Variants in NBAS observed in about 807,000 individuals in gnomAD.
The protein encoded by NBAS is NBAS subunit of NRZ tethering complex, also known as NAG/BC035112 fusion.
NBAS carries 219 observed loss-of-function variants against 302.5 expected under a neutral mutation model. The observed-to-expected ratio is 0.72, with a 90% CI of 0.65 to 0.81. The LOEUF is 0.81. NBAS is among the 30% of genes least tolerant of loss of function. The pLI, the probability that NBAS is intolerant of heterozygous loss-of-function variation, is 0.00. For synonymous variants in NBAS, 1,118 were observed against 1,021.6 expected, an observed-to-expected ratio of 1.09 and a Z score of -1.80; for missense variants, 2,932 against 2,841.6, an observed-to-expected ratio of 1.03 and a Z score of -0.72.
At chr2:15,145,949 C>A in the NBAS span, among the ~76,000 whole-genome samples, 1 of 152,086 alleles carries the variant, frequency 6.6e-6, no homozygotes, top group Non-Finnish European at 1.5e-5. Flanking sequence ...AGAAAACACT[C>A]TTTCATTCAT....
the NBAS span, among the ~76,000 whole-genome samples, chr2:14,980,002 AG>A: frequency 1.8e-4 from 28 of 152,242 alleles, no homozygotes; most frequent in African/African-American, 6.5e-4. Context: ...AAACTTCACA[AG>A]GTCAAACTGA....
At chr2:14,845,193 C>T in the NBAS span, among the ~76,000 whole-genome samples, 76 of 152,264 alleles carry the variant, frequency 5.0e-4, no homozygotes, top group East Asian at 5.2e-3. Flanking sequence ...CAGTTCCAGG[C>T]GGCTCAGAAC....
At chr2:15,036,924 G>A in the NBAS span, among the ~76,000 whole-genome samples, 1 of 152,144 alleles carries the variant, frequency 6.6e-6, no homozygotes, top group East Asian at 1.9e-4. Context: ...GGGATACCCT[G>A]CAGGTTAGGC....
intron 21 of NBAS, among the ~76,000 whole-genome samples, chr2:15,460,176 T>C (rs1050345767): frequency 6.6e-6 from 1 of 152,162 alleles, no homozygotes; most frequent in African/African-American, 2.4e-5. Flanking sequence ...TAGCTGAAAT[T>C]AGTAAAAATG....
the NBAS span, among the ~76,000 whole-genome samples, chr2:15,039,583 A>T: frequency 6.6e-6 from 1 of 152,172 alleles, no homozygotes; most frequent in Non-Finnish European, 1.5e-5. Context: ...GCTTTTAGAT[A>T]AGCATTTTGG....
intron 36 of NBAS, 62 bp from the exon 37 acceptor site, chr2:15,328,374 A>G (rs867411281): frequency 7.4e-7 from 1 of 1,355,122 alleles, no homozygotes; most frequent in African/African-American, 1.4e-5. Flanking sequence ...GAGGTAGAAG[A>G]AGTAAAAGCA....
intron 21 of NBAS, among the ~76,000 whole-genome samples, chr2:15,440,441 T>G (rs1045098513): frequency 2.6e-5 from 4 of 152,302 alleles, no homozygotes; most frequent in African/African-American, 9.6e-5. Flanking sequence ...GACCTGCAGC[T>G]GAGGGTCCTG....
At chr2:14,941,230 G>A in the NBAS span, among the ~76,000 whole-genome samples, 1 of 152,228 alleles carries the variant, frequency 6.6e-6, no homozygotes, top group South Asian at 2.1e-4. Flanking sequence ...TTCCATAACA[G>A]TCCAGGCATC....
the NBAS span, among the ~76,000 whole-genome samples, chr2:14,945,047 T>C: frequency 6.6e-6 from 1 of 152,204 alleles, no homozygotes; most frequent in African/African-American, 2.4e-5. Flanking sequence ...CTCTACTGTG[T>C]AACTCAGCCA....
intron 11 of NBAS, among the ~76,000 whole-genome samples, chr2:15,498,110 T>C (rs1383562342): frequency 6.6e-6 from 1 of 152,156 alleles, no homozygotes; most frequent in Non-Finnish European, 1.5e-5. Flanking sequence ...GTGTATAAAG[T>C]ACATGTAGGG....
At chr2:15,535,878 T>A (rs1168469389) in intron 8 of NBAS, among the ~76,000 whole-genome samples, 6 of 152,192 alleles carry the variant, frequency 3.9e-5, no homozygotes, top group African/African-American at 4.8e-5. Context: ...TCTGTGATTT[T>A]AAAAAAATTT....
Position 15,330,723 on chromosome 2 carries a change from G to C in NBAS, c.4222C>G (p.Arg1408Gly). ...VPGSNSADLL[R>G]WTTATTMKVL... ...TTCATGGTGGTAGCAGTGGTCCAGC[G>C]CAATAGGTCAGCTGAATTGCTACCT... The change falls in exon 36 of 52, where the codon CGC becomes GGC. Residue 1408 changes from arginine (R) to glycine (G), a missense_variant. Physicochemically the swap from Arg to Gly is moderately radical, Grantham distance 125. Transcript: ENST00000281513. The C allele has an allele frequency of 1.2e-6, 2 of 1,613,974 alleles. No homozygotes were observed. The highest frequency in any genetic ancestry group is 2.2e-5 in the South Asian group (2 of 91,084).
chr2:15,132,643 T>A, the NBAS span, among the ~76,000 whole-genome samples: 3 of 152,116 alleles, frequency 2.0e-5, no homozygotes, highest in African/African-American at 7.2e-5. Context: ...TTGTAGCAAA[T>A]GTGCAGGGTG....
rs1667891831 is a variant in NBAS at position 15,242,107 on chromosome 2, C to CT, written c.5725-3422dup. Among the ~76,000 whole-genome samples, 5 of 152,316 alleles carry CT rather than the reference C, an allele frequency of 3.3e-5. No individual in the cohort carries two copies. The South Asian group carries it at 1.0e-3, about 32-fold the overall frequency. ...AACATCCAAGTGCATAACCCACCTA[C>CT]TTTGTATGTATAAACTGTCTCGTCA... On this transcript the variant is annotated intron_variant, in intron 44 of 51. Transcript: ENST00000281513.
the NBAS span, among the ~76,000 whole-genome samples, chr2:14,977,942 C>T: frequency 3.0e-3 from 451 of 152,192 alleles, 1 homozygote; most frequent in African/African-American, 0.011. Context: ...GAACTTGGTG[C>T]AAATGTTTTT....
chr2:14,901,991 A>G, the NBAS span, among the ~76,000 whole-genome samples: 1 of 152,134 alleles, frequency 6.6e-6, no homozygotes, highest in East Asian at 1.9e-4. Flanking sequence ...CCACCAGAAA[A>G]TGCACCACTG....
chr2:15,028,498 GT>G, the NBAS span, among the ~76,000 whole-genome samples: 2 of 152,198 alleles, frequency 1.3e-5, no homozygotes, highest in African/African-American at 2.4e-5. Flanking sequence ...AAATCAGATT[GT>G]GTCATTTTCC....
downstream of NBAS, among the ~76,000 whole-genome samples, chr2:15,163,797 CT>C (rs34305039): frequency 0.044 from 6,370 of 143,198 alleles, 212 homozygotes; most frequent in East Asian, 0.14. Flanking sequence ...AGTATTACAA[CT>C]TTTTTTTTTT....
At chr2:15,013,605 G>A in the NBAS span, among the ~76,000 whole-genome samples, 1 of 152,094 alleles carries the variant, frequency 6.6e-6, no homozygotes, top group Admixed American at 6.5e-5. Flanking sequence ...CCAACATGAT[G>A]GACCCTGTCT....
Sources: gnomAD v4.1 joint callset for allele counts (sites outside exome capture counted in the v4.1 genomes callset) on GRCh38, gnomAD v4.1.1 for gene constraint, MANE v1.5 for transcripts, NCBI Gene and HGNC (gene_info 2026-07-23, HGNC 2026-07-21) for gene names.